DYNC1I1: variants seen among roughly 807,000 people sequenced by gnomAD.
DYNC1I1 encodes dynein cytoplasmic 1 intermediate chain 1.
In DYNC1I1, 43 loss-of-function variants were observed where a neutral mutation model predicts 86.6. The ratio of observed to expected loss-of-function variants is 0.50; its 90% CI spans 0.39 to 0.64. DYNC1I1 has a LOEUF of 0.64. Among genes scored for constraint, DYNC1I1 ranks in the 30% least tolerant of loss-of-function variants. The pLI is 0.00. For synonymous variants in DYNC1I1, 262 were observed against 283.7 expected (o/e 0.92, Z 0.77); for missense variants, 604 against 788.8 (o/e 0.77, Z 2.81).
intron 3 of DYNC1I1, among the ~76,000 whole-genome samples, chr7:95,811,821 C>G (rs1299657143): frequency 1.3e-5 from 2 of 152,116 alleles, no homozygotes; most frequent in Non-Finnish European, 2.9e-5. Flanking sequence ...ATGAGTTAGA[C>G]ACATTGCAAT....
At chr7:95,942,146 G>C (rs1307056518) in intron 6 of DYNC1I1, among the ~76,000 whole-genome samples, 28 of 152,110 alleles carry the variant, frequency 1.8e-4, no homozygotes, top group Non-Finnish European at 2.9e-5. Flanking sequence ...AAGAAGAAAA[G>C]AGAGAAGAAT....
intron 14 of DYNC1I1, among the ~76,000 whole-genome samples, chr7:96,045,606 T>C (rs1789186704): frequency 6.6e-6 from 1 of 152,154 alleles, no homozygotes. Context: ...ACCCTCTCAC[T>C]ATCTTGAAAT....
At chr7:95,924,155 G>A (rs950175567) in intron 6 of DYNC1I1, among the ~76,000 whole-genome samples, 3 of 152,126 alleles carry the variant, frequency 2.0e-5, no homozygotes, top group Middle Eastern at 3.2e-3. Flanking sequence ...TTGCACTGCT[G>A]GGTTTATGAA....
At chr7:96,101,670 A>G (rs541620680), downstream of DYNC1I1, among the ~76,000 whole-genome samples, 12 of 152,298 alleles carry the variant, frequency 7.9e-5, no homozygotes, top group African/African-American at 1.9e-4. Flanking sequence ...CATTAGGTCT[A>G]TGTACACACA....
intron 16 of DYNC1I1, among the ~76,000 whole-genome samples, chr7:96,089,117 A>T (rs1007160624): frequency 1.3e-5 from 2 of 151,822 alleles, no homozygotes; most frequent in African/African-American, 4.8e-5. Context: ...TTCAAAGTGA[A>T]TAAATAAATA....
intron 8 of DYNC1I1, among the ~76,000 whole-genome samples, chr7:95,986,023 CGTGTGTGTGTGTGTGTGTGTGT>C (rs3138829): frequency 3.0e-5 from 4 of 132,654 alleles, no homozygotes; most frequent in African/African-American, 1.2e-4. Context: ...CCTGGCAGGA[CGTGTGTGTGTGTGTGTGTGTGT>C]GTGTGTGTGT....
chr7:95,944,542 A>G (rs1792338823), intron 6 of DYNC1I1, among the ~76,000 whole-genome samples: 1 of 152,224 alleles, frequency 6.6e-6, no homozygotes, highest in African/African-American at 2.4e-5. Context: ...CCAAAGGACT[A>G]TAAATCATGC....
chr7:96,071,014 TGTGA>T (rs749853445), intron 14 of DYNC1I1, among the ~76,000 whole-genome samples: 1 of 152,216 alleles, frequency 6.6e-6, no homozygotes, highest in African/African-American at 2.4e-5. Flanking sequence ...TGATGAATGC[TGTGA>T]GTTTCATTTT....
At chr7:96,028,115 A>G (rs1794724771) in intron 10 of DYNC1I1, 60 bp from the exon 11 acceptor site, 6 of 1,577,194 alleles carry the variant, frequency 3.8e-6, no homozygotes, top group Non-Finnish European at 5.2e-6. Context: ...TCAGGAAGAA[A>G]CAAGTCACCT....
At chr7:96,075,371 T>C (rs1283540894) in intron 14 of DYNC1I1, among the ~76,000 whole-genome samples, 6 of 152,164 alleles carry the variant, frequency 3.9e-5, no homozygotes, top group Non-Finnish European at 8.8e-5. Flanking sequence ...GTTCATTTTG[T>C]ACAGAGGTTC....
intron 6 of DYNC1I1, among the ~76,000 whole-genome samples, chr7:95,965,045 C>G (rs938015619): frequency 4.6e-5 from 7 of 152,090 alleles, no homozygotes; most frequent in African/African-American, 1.7e-4. Flanking sequence ...CTGGGGAACA[C>G]AAAACTCTCC....
At position 96,033,880 on chromosome 7, in the gene DYNC1I1, C is replaced by T. The variant is rs188017456; in HGVS notation, c.1230+1100C>T. 1.9e-3 allele frequency among the ~76,000 whole-genome samples: 296 copies of T among 152,166 alleles called. 2 individuals carry two copies. Among genetic ancestry groups the T allele is most frequent in the African/African-American group, 6.8e-3 (282 of 41,524 alleles). On this transcript the variant is annotated intron_variant, in intron 12 of 16. Transcript: ENST00000447467. Reference sequence around the variant, plus strand: ...AAAAAGTTAGCTGGGTGTGCTAGCACATGTCTGTAGTCCATGTTCCTTGGG... The same window carrying T: ...AAAAAGTTAGCTGGGTGTGCTAGCATATGTCTGTAGTCCATGTTCCTTGGG...
At chr7:96,010,531 A>G (rs1379177860) in intron 10 of DYNC1I1, among the ~76,000 whole-genome samples, 8 of 152,180 alleles carry the variant, frequency 5.3e-5, no homozygotes, top group Admixed American at 1.3e-4. Flanking sequence ...GTCCATTACT[A>G]TTTAGACAAG....
chr7:95,969,748 C>CA (rs1793117247), intron 6 of DYNC1I1, among the ~76,000 whole-genome samples: 2 of 152,092 alleles, frequency 1.3e-5, no homozygotes, highest in African/African-American at 4.8e-5. Context: ...CCTTGGGTGA[C>CA]ATTCCTTCAG....
intron 1 of DYNC1I1, among the ~76,000 whole-genome samples, chr7:95,782,571 T>C (rs989957558): frequency 6.6e-6 from 1 of 152,216 alleles, no homozygotes; most frequent in African/African-American, 2.4e-5. Context: ...AGCCCCATGG[T>C]AGCATCGAGG....
At chr7:95,827,787 G>GGT in intron 4 of DYNC1I1, among the ~76,000 whole-genome samples, 1 of 152,206 alleles carries the variant, frequency 6.6e-6, no homozygotes, top group East Asian at 1.9e-4. Context: ...AAAGGGTAGG[G>GGT]GTGTGTGTGG....
chr7:95,880,892 A>G (rs1283592444), intron 6 of DYNC1I1, among the ~76,000 whole-genome samples: 1 of 151,936 alleles, frequency 6.6e-6, no homozygotes, highest in African/African-American at 2.4e-5. Flanking sequence ...CGATCCGCCC[A>G]TCTCAGCCTC....
At chr7:95,869,665 T>C (rs1230558749) in intron 5 of DYNC1I1, among the ~76,000 whole-genome samples, 1 of 152,184 alleles carries the variant, frequency 6.6e-6, no homozygotes, top group Non-Finnish European at 1.5e-5. Flanking sequence ...CTGAGGGTCT[T>C]ATCTGACATC....
intron 4 of DYNC1I1, among the ~76,000 whole-genome samples, chr7:95,826,684 A>C (rs1452169365): frequency 2.0e-5 from 3 of 152,206 alleles, no homozygotes; most frequent in Non-Finnish European, 4.4e-5. Context: ...GAAGGAAATA[A>C]AGCAGGGGAA....
Sources: gnomAD v4.1 joint callset for allele counts (sites outside exome capture counted in the v4.1 genomes callset) on GRCh38, gnomAD v4.1.1 for gene constraint, MANE v1.5 for transcripts, NCBI Gene and HGNC (gene_info 2026-07-23, HGNC 2026-07-21) for gene names.